Variants in YJU2 observed in about 807,000 individuals in gnomAD.
YJU2 encodes the protein YJU2 splicing factor homolog, also known as splicing factor YJU2.
A neutral mutation model predicts 39.6 loss-of-function variants in YJU2; 28 were observed. The ratio of observed to expected loss-of-function variants is 0.71; its 90% CI spans 0.52 to 0.97. The LOEUF (loss-of-function observed/expected upper bound fraction) is 0.97, where lower values mean the gene tolerates loss of function less well. YJU2 is among the 50% of genes least tolerant of loss of function. The pLI is 0.00. For missense variants in YJU2, 328 were observed against 430.4 expected, an observed-to-expected ratio of 0.76 and a Z score of 2.11; for synonymous variants, 184 against 182.4, an observed-to-expected ratio of 1.01 and a Z score of -0.07.
chr19:4,261,439 C>T (rs1477052655), intron 5 of YJU2, among the ~76,000 whole-genome samples: 2 of 151,192 alleles, frequency 1.3e-5, no homozygotes, highest in Non-Finnish European at 3.0e-5. Flanking sequence ...TGCAGTGAGC[C>T]AAGATCACGC....
chr19:4,248,505 G>A (rs1311912667), intron 1 of YJU2, among the ~76,000 whole-genome samples: 2 of 152,188 alleles, frequency 1.3e-5, no homozygotes, highest in Admixed American at 6.5e-5. Flanking sequence ...ATGTAGTATC[G>A]TGATTGGGAG....
At chr19:4,254,326 G>A in intron 3 of YJU2, 29 bp from the exon 4 acceptor site, 1 of 1,560,450 alleles carries the variant, frequency 6.4e-7, no homozygotes, top group East Asian at 2.2e-5. Flanking sequence ...GGGGATGTAG[G>A]AGCTGATGTC....
intron 7 of YJU2, 111 bp from the exon 8 acceptor site, chr19:4,268,473 C>A: frequency 2.9e-6 from 2 of 688,046 alleles, no homozygotes; most frequent in Non-Finnish European, 5.1e-6. Flanking sequence ...AGGCCATTCA[C>A]ATGCTGTCAC....
In YJU2 at chr19:4,268,805, C is replaced by T. The variant is rs1050024866; in HGVS notation, c.*109C>T. The T allele has an allele frequency of 1.3e-5, 10 of 781,010 alleles. No individual in the cohort carries two copies. Among genetic ancestry groups the T allele is most frequent in the South Asian group, 6.3e-5 (4 of 63,542 alleles). The allele number at this position is 781,010 out of a possible 1,614,324, so 48.4% of individuals were successfully genotyped here. ...AGGAGGCCTTGGCGTGACTGGAGGCCGGACAGACAAGCGCCAGCGTGCTCC... is the reference window on the plus strand; with the variant it reads ...AGGAGGCCTTGGCGTGACTGGAGGCTGGACAGACAAGCGCCAGCGTGCTCC... On this transcript the variant is annotated 3_prime_UTR_variant, in exon 8 of 8. Coordinates refer to ENST00000262962, the MANE Select transcript of YJU2 (RefSeq NM_018074.6).
chr19:4,267,032 C>T (rs1971121102), intron 6 of YJU2, among the ~76,000 whole-genome samples: 1 of 152,144 alleles, frequency 6.6e-6, no homozygotes, highest in Non-Finnish European at 1.5e-5. Flanking sequence ...AGCTGGAGGC[C>T]TTTTCTACCT....
Position 4,247,632 on chromosome 19 carries a change from T to C in YJU2, c.24+462T>C, listed in dbSNP as rs1314169055. 4.7e-3 allele frequency among the ~76,000 whole-genome samples: 191 copies of C among 40,862 alleles called. 19 individuals carry two copies. The highest frequency in any genetic ancestry group is 0.015 in the East Asian group (17 of 1,154). 26.8% of individuals were successfully genotyped at this position (40,862 alleles called of 152,430 possible). On this transcript the variant is annotated intron_variant, in intron 1 of 7. Coordinates refer to ENST00000262962, the MANE Select transcript of YJU2 (RefSeq NM_018074.6). The stretch of plus-strand genomic sequence containing the variant: ...GTGTGTGTGTGTGTGTGTGTGTGTG[T>C]GTGTGTGTGTGTGTGTGTGTGTGTG...
chr19:4,250,471 G>T (rs956044225), intron 2 of YJU2, among the ~76,000 whole-genome samples: 9 of 152,110 alleles, frequency 5.9e-5, no homozygotes, highest in African/African-American at 2.2e-4. Context: ...GGGCAGTGGC[G>T]CAGGAGGGAG....
chr19:4,258,702 C>T (rs1456947816), intron 5 of YJU2, among the ~76,000 whole-genome samples: 1 of 152,204 alleles, frequency 6.6e-6, no homozygotes, highest in Non-Finnish European at 1.5e-5. Flanking sequence ...TGTGGTGTGT[C>T]GGGGGCCAGG....
At chr19:4,267,891 C>G in intron 7 of YJU2, 117 bp downstream of exon 7, 17 of 843,120 alleles carry the variant, frequency 2.0e-5, no homozygotes, top group Non-Finnish European at 2.7e-5. Flanking sequence ...CCTGCGACCC[C>G]CACAGGACCA....
Position 4,250,931 on chromosome 19 carries a change from CA to C in YJU2, c.126-94del, listed in dbSNP as rs1291053119. ...GGAGGGAGCTCCCCGTTGCTGGAGG[CA>C]AGCAAGCAGTGATCTTGCAGGATGC... is the stretch of plus-strand genomic sequence containing the variant. On this transcript the variant is annotated intron_variant, in intron 2 of 7. Coordinates refer to ENST00000262962, the MANE Select transcript of YJU2 (RefSeq NM_018074.6). 4.3e-6 allele frequency: 6 copies of C among 1,408,986 alleles called. No individual in the cohort carries two copies. The African/African-American group carries it at 8.6e-5, about 20-fold the overall frequency. The allele number at this position is 1,408,986 out of a possible 1,614,324, so 87.3% of individuals were successfully genotyped here. A position where few individuals can be genotyped will look rare whatever the true frequency, so the allele number is the denominator to read the frequency against.
intron 4 of YJU2, among the ~76,000 whole-genome samples, chr19:4,256,739 C>T (rs1971024677): frequency 6.6e-6 from 1 of 152,176 alleles, no homozygotes; most frequent in Non-Finnish European, 1.5e-5. Flanking sequence ...GAGCCACTCG[C>T]AAACTGGCTC....
intron 6 of YJU2, among the ~76,000 whole-genome samples, chr19:4,265,120 T>C (rs1220070931): frequency 6.6e-6 from 1 of 152,212 alleles, no homozygotes; most frequent in African/African-American, 2.4e-5. Flanking sequence ...CTCAGTCTTG[T>C]GCCTCTACCT....
chr19:4,257,547 C>A (rs1391485177), intron 4 of YJU2, among the ~76,000 whole-genome samples: 1 of 151,774 alleles, frequency 6.6e-6, no homozygotes, highest in African/African-American at 2.4e-5. Context: ...AATCTTGGTT[C>A]ACTGCAACCT....
chr19:4,257,795 G>A (rs144852160), intron 4 of YJU2, among the ~76,000 whole-genome samples: 2,506 of 152,190 alleles, frequency 0.016, 37 homozygotes, highest in Middle Eastern at 0.082. Context: ...TAGAGACAGG[G>A]TTTCACCATG....
At chr19:4,253,408 C>G (rs1970993764) in intron 3 of YJU2, among the ~76,000 whole-genome samples, 1 of 152,032 alleles carries the variant, frequency 6.6e-6, no homozygotes, top group Non-Finnish European at 1.5e-5. Flanking sequence ...GAAACCCTGT[C>G]TCTACCAAAA....
At chr19:4,247,582 C>CGTGTGTGT (rs1348900052) in intron 1 of YJU2, among the ~76,000 whole-genome samples, 1 of 27,332 alleles carries the variant, frequency 3.7e-5, no homozygotes. Context: ...TGGGGTGGCG[C>CGTGTGTGT]GTGTGTGTGT....
intron 2 of YJU2, among the ~76,000 whole-genome samples, chr19:4,249,672 C>T (rs1480702530): frequency 1.3e-5 from 2 of 151,868 alleles, no homozygotes; most frequent in Non-Finnish European, 2.9e-5. Flanking sequence ...CACTGCTGCC[C>T]CTGCTTGGAA....
intron 1 of YJU2, 52 bp from the exon 2 acceptor site, chr19:4,249,176 C>A: frequency 7.7e-7 from 1 of 1,292,590 alleles, no homozygotes; most frequent in Non-Finnish European, 1.1e-6. Context: ...CTGCCATGTC[C>A]TGCCCCTGCT....
intron 6 of YJU2, among the ~76,000 whole-genome samples, chr19:4,263,238 G>A (rs576423102): frequency 2.0e-5 from 3 of 152,198 alleles, no homozygotes; most frequent in African/African-American, 7.2e-5. Flanking sequence ...CTAGGACTTC[G>A]GGCAGCTCTG....
Sources: gnomAD v4.1 joint callset for allele counts (sites outside exome capture counted in the v4.1 genomes callset) on GRCh38, gnomAD v4.1.1 for gene constraint, MANE v1.5 for transcripts, NCBI Gene and HGNC (gene_info 2026-07-23, HGNC 2026-07-21) for gene names.